Variants in MALRD1 observed in about 807,000 individuals in gnomAD.
MALRD1 encodes the protein MAM and LDL receptor class A domain containing 1, also known as MAM and LDL-receptor class A domain-containing protein 1.
Under a neutral mutation model 242.1 loss-of-function variants are expected in MALRD1, and 247 were observed. The observed-to-expected ratio is 1.02, with a 90% CI of 0.92 to 1.13. MALRD1 has a LOEUF of 1.13. Among genes scored for constraint, MALRD1 ranks in the 50% most tolerant of loss-of-function variants. MALRD1 has a pLI of 0.00. For synonymous variants in MALRD1, 995 were observed against 866.6 expected (o/e 1.15, Z -2.60); for missense variants, 2,989 against 2,533.1 (o/e 1.18, Z -3.86).
chr10:19,664,980 CACTT>C (rs2131742532), intron 36 of MALRD1, among the ~76,000 whole-genome samples: 1 of 152,150 alleles, frequency 6.6e-6, no homozygotes, highest in Admixed American at 6.6e-5. Flanking sequence ...GATCAAGAGA[CACTT>C]ATTAAGATTG....
chr10:19,487,182 G>T (rs1193651337), intron 29 of MALRD1, among the ~76,000 whole-genome samples: 2 of 151,990 alleles, frequency 1.3e-5, no homozygotes, highest in Non-Finnish European at 1.5e-5. Flanking sequence ...GAATATGTGA[G>T]ATATCTTTCA....
chr10:19,703,926 C>A (rs947921619), intron 38 of MALRD1, among the ~76,000 whole-genome samples: 1 of 151,982 alleles, frequency 6.6e-6, no homozygotes, highest in Non-Finnish European at 1.5e-5. Context: ...ATAAAAATTG[C>A]AAAATAAAGG....
chr10:19,242,632 T>C (rs946094110), intron 18 of MALRD1, among the ~76,000 whole-genome samples: 2 of 152,150 alleles, frequency 1.3e-5, no homozygotes, highest in African/African-American at 4.8e-5. Flanking sequence ...ACCTAAGTAA[T>C]ATATATGTTA....
At chr10:19,463,970 A>T (rs1836086125) in intron 29 of MALRD1, among the ~76,000 whole-genome samples, 1 of 152,136 alleles carries the variant, frequency 6.6e-6, no homozygotes, top group Non-Finnish European at 1.5e-5. Context: ...ATCATTAGTG[A>T]TGTTGAACAT....
chr10:19,404,701 A>G (rs1289212589), intron 28 of MALRD1, among the ~76,000 whole-genome samples: 1 of 152,132 alleles, frequency 6.6e-6, no homozygotes, highest in Non-Finnish European at 1.5e-5. Context: ...CACTTCACTC[A>G]TTTTGCACAC....
At chr10:19,350,891 A>G (rs1164203599) in intron 25 of MALRD1, among the ~76,000 whole-genome samples, 2 of 152,228 alleles carry the variant, frequency 1.3e-5, no homozygotes, top group East Asian at 3.9e-4. Flanking sequence ...TTTGTTTCTC[A>G]CTCAAATGAG....
chr10:19,342,090 T>G (rs1365400866), intron 24 of MALRD1, among the ~76,000 whole-genome samples: 1 of 152,100 alleles, frequency 6.6e-6, no homozygotes, highest in African/African-American at 2.4e-5. Flanking sequence ...TTGCAGTAAG[T>G]TTATATTACG....
intron 38 of MALRD1, among the ~76,000 whole-genome samples, chr10:19,704,967 C>G (rs968831803): frequency 1.3e-5 from 2 of 152,064 alleles, no homozygotes; most frequent in African/African-American, 4.8e-5. Flanking sequence ...AGCAACATGA[C>G]AAAACCCTGT....
In MALRD1 at chr10:19,705,804, T is replaced by TAAAAAAAAAAAAAA. The variant is rs61437328; in HGVS notation, c.6314+13251_6314+13264dup. 2.0e-3 allele frequency among the ~76,000 whole-genome samples: 208 copies of TAAAAAAAAAAAAAA among 102,798 alleles called. 19 individuals carry two copies. Among genetic ancestry groups the TAAAAAAAAAAAAAA allele is most frequent in the African/African-American group, 9.0e-3 (188 of 20,962 alleles). 67.4% of individuals were successfully genotyped at this position (102,798 alleles called of 152,430 possible). On this transcript the variant is annotated intron_variant, in intron 38 of 39. Coordinates refer to ENST00000454679, the MANE Select transcript of MALRD1 (RefSeq NM_001142308.3). ...ACCTTGTTCTCATGTCCTGCAATAG[T>TAAAAAAAAAAAAAA]AAAAAAAAAAAAAAGCCCACAAGAG...
intron 11 of MALRD1, among the ~76,000 whole-genome samples, chr10:19,148,798 T>A (rs1004476596): frequency 5.6e-5 from 8 of 142,398 alleles, no homozygotes; most frequent in Non-Finnish European, 1.1e-4. Flanking sequence ...AATATATATA[T>A]ATATATATAT....
intron 38 of MALRD1, among the ~76,000 whole-genome samples, chr10:19,719,213 C>CATATATAT (rs1351273405): frequency 7.0e-5 from 6 of 85,426 alleles, no homozygotes; most frequent in Admixed American, 1.5e-4. Flanking sequence ...TATATATATA[C>CATATATAT]ACATACATAC....
At chr10:19,579,449 CT>C (rs1836998815) in intron 33 of MALRD1, among the ~76,000 whole-genome samples, 1 of 152,086 alleles carries the variant, frequency 6.6e-6, no homozygotes, top group Non-Finnish European at 1.5e-5. Context: ...TGAGAGATGG[CT>C]TCTAACTTAC....
chr10:19,137,101 C>G (rs1354733462), intron 10 of MALRD1, among the ~76,000 whole-genome samples: 1 of 152,100 alleles, frequency 6.6e-6, no homozygotes, highest in Non-Finnish European at 1.5e-5. Context: ...ACTTTTTGTA[C>G]CTTTGCCTTG....
At chr10:19,613,870 A>G (rs760010853) in intron 35 of MALRD1, among the ~76,000 whole-genome samples, 2 of 152,064 alleles carry the variant, frequency 1.3e-5, no homozygotes, top group Non-Finnish European at 2.9e-5. Flanking sequence ...TCACCTTTAC[A>G]CACACACTAC....
At chr10:19,685,897 G>A (rs570313604) in intron 36 of MALRD1, among the ~76,000 whole-genome samples, 106 of 152,262 alleles carry the variant, frequency 7.0e-4, no homozygotes, top group African/African-American at 2.0e-3. Flanking sequence ...AATGCCGTGC[G>A]GTGATAGGTG....
intron 8 of MALRD1, among the ~76,000 whole-genome samples, chr10:19,133,513 T>A (rs1833195147): frequency 6.6e-6 from 1 of 152,218 alleles, no homozygotes; most frequent in South Asian, 2.1e-4. Context: ...AATGTAATAA[T>A]GTTATTGAGT....
intron 29 of MALRD1, among the ~76,000 whole-genome samples, chr10:19,476,751 T>C (rs1005417598): frequency 6.6e-6 from 1 of 152,166 alleles, no homozygotes; most frequent in Non-Finnish European, 1.5e-5. Context: ...CTGCACATAA[T>C]AGCACTTATT....
At chr10:19,234,968 A>G (rs557383804) in intron 18 of MALRD1, among the ~76,000 whole-genome samples, 2 of 152,320 alleles carry the variant, frequency 1.3e-5, no homozygotes, top group South Asian at 4.1e-4. Flanking sequence ...CTGCAAATCT[A>G]CATGGATGGG....
At chr10:19,551,686 A>G (rs1032977798) in intron 32 of MALRD1, among the ~76,000 whole-genome samples, 17 of 151,940 alleles carry the variant, frequency 1.1e-4, no homozygotes, top group African/African-American at 3.6e-4. Flanking sequence ...TGAAAGCGGA[A>G]TGCTTCTAGC....
Sources: allele counts gnomAD v4.1 joint callset (sites outside exome capture counted in the v4.1 genomes callset), GRCh38; gene constraint gnomAD v4.1.1; transcripts MANE v1.5; gene names NCBI Gene and HGNC (gene_info 2026-07-23, HGNC 2026-07-21).